Variants in PKD1L1 observed in about 807,000 individuals in gnomAD.
The protein encoded by PKD1L1 is polycystin-1-like protein 1.
A neutral mutation model predicts 323.4 loss-of-function variants in PKD1L1; 236 were observed. That is an observed-to-expected ratio of 0.73 (90% CI 0.66 to 0.81). The LOEUF (loss-of-function observed/expected upper bound fraction) is 0.81, where lower values mean the gene tolerates loss of function less well. Ranked by LOEUF, PKD1L1 falls within the 40% of genes least tolerant of loss-of-function variation. The pLI is 0.00. For synonymous variants in PKD1L1, 1,344 were observed against 1,335.0 expected (o/e 1.01, Z -0.15); for missense variants, 3,320 against 3,508.0 (o/e 0.95, Z 1.35).
At chr7:47,833,794 C>T (rs1199199944) in intron 40 of PKD1L1, among the ~76,000 whole-genome samples, 1 of 152,174 alleles carries the variant, frequency 6.6e-6, no homozygotes, top group Non-Finnish European at 1.5e-5. Flanking sequence ...GGCAGTCACA[C>T]AGATCTGAAA....
At chr7:47,934,119 G>A (rs1787822603) in intron 4 of PKD1L1, among the ~76,000 whole-genome samples, 1 of 152,180 alleles carries the variant, frequency 6.6e-6, no homozygotes. Flanking sequence ...ATACTATTAT[G>A]TATGGTTTGC....
intron 14 of PKD1L1, among the ~76,000 whole-genome samples, chr7:47,896,947 A>T (rs560802517): frequency 6.6e-6 from 1 of 152,166 alleles, no homozygotes; most frequent in East Asian, 1.9e-4. Flanking sequence ...CCCAATCAAC[A>T]TTTCTAAAGA....
the PKD1L1 span, among the ~76,000 whole-genome samples, chr7:47,960,377 T>TAA: frequency 0.57 from 50,685 of 88,368 alleles, 14,658 homozygotes; most frequent in East Asian, 0.87. Flanking sequence ...AAAAAAAAAT[T>TAA]AAAAAAAAAA....
intron 3 of PKD1L1, among the ~76,000 whole-genome samples, chr7:47,938,649 G>C (rs80004723): frequency 6.6e-6 from 1 of 152,142 alleles, no homozygotes; most frequent in African/African-American, 2.4e-5. Flanking sequence ...AATGCAGCTT[G>C]GAAATGGGTC....
intron 48 of PKD1L1, 85 bp from the exon 49 acceptor site, chr7:47,813,378 G>A: frequency 2.9e-6 from 4 of 1,389,608 alleles, no homozygotes; most frequent in South Asian, 1.2e-5. Context: ...CTGGCCACAT[G>A]TGAACACCTG....
At chr7:47,939,891 T>C (rs1227058639) in intron 3 of PKD1L1, among the ~76,000 whole-genome samples, 1 of 146,616 alleles carries the variant, frequency 6.8e-6, no homozygotes, top group East Asian at 2.0e-4. Context: ...AGGCAGCCCC[T>C]ACTCCCCACC....
intron 4 of PKD1L1, among the ~76,000 whole-genome samples, chr7:47,936,190 T>A (rs1006903098): frequency 6.6e-6 from 1 of 152,186 alleles, no homozygotes; most frequent in Non-Finnish European, 1.5e-5. Flanking sequence ...AACATAACAT[T>A]TACCATCTGA....
rs757385438 is a variant in PKD1L1 at position 47,905,931 on chromosome 7, A to G, written c.1434T>C (p.Ile478=). ...STVVIHHFPS[I]PSYNVSFISQ... Reference sequence around the variant, plus strand: ...AAATAAAGGACACGTTATATGAAGGAATAGATGGAAAGTGATGTATAACCA... The same window carrying G: ...AAATAAAGGACACGTTATATGAAGGGATAGATGGAAAGTGATGTATAACCA... Residue 478 remains isoleucine, a synonymous_variant, in exon 10 of 57, where the codon ATT becomes ATC. Transcript: ENST00000289672. The G allele has an allele frequency of 3.7e-6, 6 of 1,612,478 alleles. No individual in the cohort carries two copies. The highest frequency in any genetic ancestry group is 5.1e-6 in the Non-Finnish European group (6 of 1,179,436).
chr7:47,955,949 A>C, the PKD1L1 span, among the ~76,000 whole-genome samples: 1 of 152,210 alleles, frequency 6.6e-6, no homozygotes, highest in Non-Finnish European at 1.5e-5. Flanking sequence ...CCAAAACTGA[A>C]GCTTCCTTTT....
chr7:47,867,533 G>T (rs1266729439), intron 24 of PKD1L1, among the ~76,000 whole-genome samples: 11 of 152,086 alleles, frequency 7.2e-5, no homozygotes, highest in Non-Finnish European at 1.3e-4. Context: ...AGTTATCAAT[G>T]AAAAATTATG....
At chr7:47,832,406 TCA>T (rs1253914466) in intron 41 of PKD1L1, among the ~76,000 whole-genome samples, 1 of 152,230 alleles carries the variant, frequency 6.6e-6, no homozygotes, top group Non-Finnish European at 1.5e-5. Flanking sequence ...GCTTGTTCAC[TCA>T]CAGAAAGGAT....
intron 56 of PKD1L1, among the ~76,000 whole-genome samples, chr7:47,784,422 C>G (rs1315438848): frequency 6.6e-6 from 1 of 152,120 alleles, no homozygotes; most frequent in African/African-American, 2.4e-5. Flanking sequence ...CAAATCATAT[C>G]TCACAACTAT....
At chr7:47,906,873 G>A (rs1583664886) in intron 9 of PKD1L1, among the ~76,000 whole-genome samples, 1 of 151,360 alleles carries the variant, frequency 6.6e-6, no homozygotes. Context: ...TTAATTCTGA[G>A]CACAATCTGA....
intron 17 of PKD1L1, among the ~76,000 whole-genome samples, chr7:47,887,549 A>T (rs2128748085): frequency 6.6e-6 from 1 of 152,338 alleles, no homozygotes; most frequent in South Asian, 2.1e-4. Flanking sequence ...AGAATTGCTT[A>T]AAGCCACCAG....
chr7:47,890,423 T>C, intron 16 of PKD1L1, 119 bp downstream of exon 16: 2 of 986,540 alleles, frequency 2.0e-6, no homozygotes, highest in African/African-American at 3.2e-5. Flanking sequence ...GCAGTGAGAA[T>C]CCTGCATGGC....
intron 36 of PKD1L1, among the ~76,000 whole-genome samples, chr7:47,837,838 C>G (rs779219460): frequency 6.6e-6 from 1 of 152,184 alleles, no homozygotes; most frequent in Non-Finnish European, 1.5e-5. Flanking sequence ...CAGAACTGCT[C>G]TTATGGAATA....
At chr7:47,791,943 T>A (rs1156957785) in intron 56 of PKD1L1, among the ~76,000 whole-genome samples, 1 of 152,208 alleles carries the variant, frequency 6.6e-6, no homozygotes, top group Non-Finnish European at 1.5e-5. Context: ...TCTATTGGTG[T>A]TGATTTTTCT....
intron 14 of PKD1L1, 41 bp downstream of exon 14, chr7:47,897,947 G>A (rs1786993687): frequency 2.0e-6 from 3 of 1,481,720 alleles, no homozygotes; most frequent in Non-Finnish European, 2.7e-6. Context: ...GAGAAGCATG[G>A]GTTTCATTGG....
chr7:47,895,264 G>C (rs1562978062), intron 14 of PKD1L1, among the ~76,000 whole-genome samples: 1 of 152,194 alleles, frequency 6.6e-6, no homozygotes. Flanking sequence ...CAGACCCCCT[G>C]TGAAGACACT....
Sources: allele counts gnomAD v4.1 joint callset (sites outside exome capture counted in the v4.1 genomes callset), GRCh38; gene constraint gnomAD v4.1.1; transcripts MANE v1.5; gene names NCBI Gene and HGNC (gene_info 2026-07-23, HGNC 2026-07-21).